SCN4B: variants seen among roughly 807,000 people sequenced by gnomAD.
SCN4B encodes sodium channel regulatory subunit beta-4.
A neutral mutation model predicts 19.6 loss-of-function variants in SCN4B; 20 were observed. The observed-to-expected ratio is 1.02, with a 90% CI of 0.72 to 1.48. The LOEUF is 1.48. Ranked by LOEUF, SCN4B falls within the 40% of genes most tolerant of loss-of-function variation. SCN4B has a pLI of 0.00. For missense variants in SCN4B, 271 were observed against 287.5 expected (o/e 0.94, Z 0.42); for synonymous variants, 127 against 122.8 (o/e 1.03, Z -0.22).
chr11:118,146,718 G>A (rs1285402379), intron 1 of SCN4B, among the ~76,000 whole-genome samples: 85 of 152,076 alleles, frequency 5.6e-4, no homozygotes, highest in Non-Finnish European at 1.6e-4. Flanking sequence ...GGCCATTGTC[G>A]CTAACAATAG....
chr11:118,135,407 C>T lies in SCN4B; in HGVS notation c.*1620G>A, dbSNP rs1009214307. The T allele has an allele frequency of 2.0e-5, 9 of 454,012 alleles. No homozygotes were observed. In the East Asian group the frequency reaches 2.1e-4, roughly 11 times the overall value. 28.1% of individuals were successfully genotyped at this position (454,012 alleles called of 1,614,324 possible). A position where few individuals can be genotyped will look rare whatever the true frequency, so the allele number is the denominator to read the frequency against. ...CTGAAAAAGGGGGCTACTCCTCTCTCATCCCTCCTAGGGGCCCAGAAGACA... is the reference window on the plus strand; with the variant it reads ...CTGAAAAAGGGGGCTACTCCTCTCTTATCCCTCCTAGGGGCCCAGAAGACA... On this transcript the variant is annotated 3_prime_UTR_variant, in exon 5 of 5. Transcript: ENST00000324727.
rs1316163539 is a variant in SCN4B at position 118,152,785 on chromosome 11, CCGCCGGTCGGGGCT to C, written c.-126_-113del. Reference sequence around the variant, plus strand: ...CACAAAGCTACCCCGGAGCTCTGCGCCGCCGGTCGGGGCTCGGGAAAGTTAGCGGGCAGAGAGCG... The same window carrying C: ...CACAAAGCTACCCCGGAGCTCTGCGCCGGGAAAGTTAGCGGGCAGAGAGCG... On this transcript the variant is annotated 5_prime_UTR_variant, in exon 1 of 5. Coordinates refer to ENST00000324727, the MANE Select transcript of SCN4B (RefSeq NM_174934.4). The C allele has an allele frequency of 2.6e-6, 2 of 780,538 alleles. No homozygotes were observed. The highest frequency in any genetic ancestry group is 3.5e-5 in the African/African-American group (2 of 56,564). 48.4% of individuals were successfully genotyped at this position (780,538 alleles called of 1,614,324 possible).
At position 118,136,364 on chromosome 11, in the gene SCN4B, C is replaced by A. The variant is rs1591431018; in HGVS notation, c.*663G>T. Reference sequence around the variant, plus strand: ...GAGGAGCAGGCTAGGTGGCCAGGAACCCTCAAGACCAGGGTGGCCAGCCCT... The same window carrying A: ...GAGGAGCAGGCTAGGTGGCCAGGAAACCTCAAGACCAGGGTGGCCAGCCCT... On this transcript the variant is annotated 3_prime_UTR_variant, in exon 5 of 5. Transcript: ENST00000324727. 2.2e-6 allele frequency: 1 copy of A among 453,824 alleles called. No individual in the cohort carries two copies. Among genetic ancestry groups the A allele is most frequent in the Non-Finnish European group, 4.4e-6 (1 of 226,700 alleles). 28.1% of individuals were successfully genotyped at this position (453,824 alleles called of 1,614,324 possible). A position where few individuals can be genotyped will look rare whatever the true frequency, so the allele number is the denominator to read the frequency against.
At chr11:118,140,134 A>G (rs549594691) in intron 4 of SCN4B, among the ~76,000 whole-genome samples, 50 of 152,190 alleles carry the variant, frequency 3.3e-4, no homozygotes, top group African/African-American at 1.1e-3. Context: ...TTCTCCATCC[A>G]TTGATAGTAA....
At position 118,133,844 on chromosome 11, in the gene SCN4B, C is replaced by G. The variant is rs1262837069; in HGVS notation, c.*3183G>C. On this transcript the variant is annotated 3_prime_UTR_variant, in exon 5 of 5. Transcript: ENST00000324727. ...GACGGAATGCAGGAGCACGGCTGGT[C>G]TTCTCTGCCTTTGATTCTTTCTCAG... The G allele has an allele frequency of 2.2e-6, 1 of 454,368 alleles. No homozygotes were observed. Among genetic ancestry groups the G allele is most frequent in the East Asian group, 6.9e-5 (1 of 14,406 alleles). 28.1% of individuals were successfully genotyped at this position (454,368 alleles called of 1,614,324 possible).
Position 118,144,976 on chromosome 11 carries a change from A to G in SCN4B, c.234+81T>C, listed in dbSNP as rs1360572904. 6 of 1,405,262 alleles carry G rather than the reference A, an allele frequency of 4.3e-6. No homozygotes were observed. In the East Asian group the frequency reaches 9.1e-5, roughly 21 times the overall value. 87.0% of individuals were successfully genotyped at this position (1,405,262 alleles called of 1,614,324 possible). On this transcript the variant is annotated intron_variant, in intron 2 of 4. Coordinates refer to ENST00000324727, the MANE Select transcript of SCN4B (RefSeq NM_174934.4). ...TCTGGGGACCATCGCAGTGGGTCTC[A>G]GTCCAGAAGGGACCAGAGCGTAGGA...
chr11:118,143,452 T>C (rs1565455824), intron 3 of SCN4B, among the ~76,000 whole-genome samples: 3 of 152,186 alleles, frequency 2.0e-5, no homozygotes, highest in Non-Finnish European at 4.4e-5. Context: ...CACTTTTTAG[T>C]CCAATGCCTG....
At chr11:118,145,008 G>A in intron 2 of SCN4B, 49 bp downstream of exon 2, 1 of 1,579,458 alleles carries the variant, frequency 6.3e-7, no homozygotes, top group Non-Finnish European at 8.7e-7. Flanking sequence ...AGGAGGCGAG[G>A]CATGGGTGAG....
chr11:118,138,241 T>C (rs950171945), intron 4 of SCN4B, among the ~76,000 whole-genome samples: 1 of 152,214 alleles, frequency 6.6e-6, no homozygotes, highest in Non-Finnish European at 1.5e-5. Context: ...CTTGGGCAGC[T>C]GGGTTTGAGG....
At position 118,133,861 on chromosome 11, in the gene SCN4B, C is replaced by G; in HGVS notation, c.*3166G>C. 1 of 454,440 alleles carries G rather than the reference C, an allele frequency of 2.2e-6. No individual in the cohort carries two copies. Among genetic ancestry groups the G allele is most frequent in the Non-Finnish European group, 4.4e-6 (1 of 226,802 alleles). 28.2% of individuals were successfully genotyped at this position (454,440 alleles called of 1,614,324 possible). On this transcript the variant is annotated 3_prime_UTR_variant, in exon 5 of 5. Transcript: ENST00000324727. The stretch of plus-strand genomic sequence containing the variant: ...CGGCTGGTCTTCTCTGCCTTTGATT[C>G]TTTCTCAGTCTCCAGATGCCTCAAC...
rs770645878 is a variant in SCN4B at position 118,136,830 on chromosome 11, TC to T, written c.*196del. ...TTCCACAGACCCCCTCCCCTGGCCATCCCTTGTCCCTGGGGAGCCCTGACTG... is the reference window on the plus strand; with the variant it reads ...TTCCACAGACCCCCTCCCCTGGCCATCCTTGTCCCTGGGGAGCCCTGACTG... On this transcript the variant is annotated 3_prime_UTR_variant, in exon 5 of 5. Transcript: ENST00000324727. 5.9e-6 allele frequency: 4 copies of T among 682,474 alleles called. No homozygotes were observed. The African/African-American group carries it at 7.0e-5, about 12-fold the overall frequency. 42.3% of individuals were successfully genotyped at this position (682,474 alleles called of 1,614,324 possible). A position where few individuals can be genotyped will look rare whatever the true frequency, so the allele number is the denominator to read the frequency against.
At chr11:118,145,712 G>T (rs1948165263) in intron 1 of SCN4B, 2 of 302,960 alleles carry the variant, frequency 6.6e-6, no homozygotes, top group South Asian at 5.9e-5. Flanking sequence ...GGAAGAGCCG[G>T]GTCCCGTAAG....
intron 2 of SCN4B, 114 bp from the exon 3 acceptor site, chr11:118,144,175 G>A: frequency 1.3e-6 from 1 of 751,062 alleles, no homozygotes; most frequent in Non-Finnish European, 2.4e-6. Context: ...CCAGGACCAG[G>A]AAGAGCCTGT....
Position 118,136,042 on chromosome 11 carries a change from G to C in SCN4B, c.*985C>G, listed in dbSNP as rs747454349. Reference sequence around the variant, plus strand: ...GGGCGTGATGGAGGGCACGGTGGGGGGGGGGGAGCGAGCCAATGGGAGGTT... The same window carrying C: ...GGGCGTGATGGAGGGCACGGTGGGGCGGGGGGAGCGAGCCAATGGGAGGTT... On this transcript the variant is annotated 3_prime_UTR_variant, in exon 5 of 5. Transcript: ENST00000324727. 184 of 436,538 alleles carry C rather than the reference G, an allele frequency of 4.2e-4. No individual in the cohort carries two copies. The highest frequency in any genetic ancestry group is 8.0e-4 in the Admixed American group (33 of 41,140). 27.0% of individuals were successfully genotyped at this position (436,538 alleles called of 1,614,324 possible).
At position 118,137,051 on chromosome 11, in the gene SCN4B, C is replaced by T. The variant is rs1310870739; in HGVS notation, c.663G>A (p.Glu221=). 7 of 1,613,758 alleles carry T rather than the reference C, an allele frequency of 4.3e-6. No homozygotes were observed. Among genetic ancestry groups the T allele is most frequent in the Non-Finnish European group, 5.9e-6 (7 of 1,179,744 alleles). The part of the protein sequence containing the change: ...TENGLPGSKA[E]EKPPSKV ...CTCACACTTTTGAAGGTGGTTTCTC[C>T]TCTGCCTTGGAGCCAGGCAAGCCGT... The change falls in exon 5 of 5, where the codon GAG becomes GAA. Residue 221 remains glutamate, a synonymous_variant. Transcript: ENST00000324727.
chr11:118,138,357 A>G (rs1049518804), intron 4 of SCN4B, among the ~76,000 whole-genome samples: 4 of 152,116 alleles, frequency 2.6e-5, no homozygotes, highest in African/African-American at 4.8e-5. Context: ...TTCTTCCAAC[A>G]TAGTTACTAG....
intron 1 of SCN4B, among the ~76,000 whole-genome samples, chr11:118,151,291 A>G (rs1035788952): frequency 5.9e-5 from 9 of 152,098 alleles, no homozygotes; most frequent in Non-Finnish European, 1.3e-4. Flanking sequence ...GCTGAGTTTG[A>G]ATTCCTCAGT....
intron 4 of SCN4B, among the ~76,000 whole-genome samples, chr11:118,140,890 C>T (rs910740660): frequency 6.6e-6 from 1 of 152,124 alleles, no homozygotes; most frequent in African/African-American, 2.4e-5. Context: ...TTTGGTAAGG[C>T]TCTCGGTTGG....
Position 118,152,728 on chromosome 11 carries a change from G to T in SCN4B, c.-55C>A. ...TCGCGGGGATGGGATACTGGGCACA[G>T]CCGCGCTCTCCGCCCGAGGTCGGCG... On this transcript the variant is annotated 5_prime_UTR_variant, in exon 1 of 5. The change creates a new upstream start codon in the 5' untranslated region. Coordinates refer to ENST00000324727, the MANE Select transcript of SCN4B (RefSeq NM_174934.4). The T allele has an allele frequency of 7.0e-7, 1 of 1,418,556 alleles. No individual in the cohort carries two copies. The highest frequency in any genetic ancestry group is 9.7e-7 in the Non-Finnish European group (1 of 1,035,140). The allele number at this position is 1,418,556 out of a possible 1,614,324, so 87.9% of individuals were successfully genotyped here.
Sources: gnomAD v4.1 joint callset for allele counts (sites outside exome capture counted in the v4.1 genomes callset) on GRCh38, gnomAD v4.1.1 for gene constraint, MANE v1.5 for transcripts, NCBI Gene and HGNC (gene_info 2026-07-23, HGNC 2026-07-21) for gene names.